The following NINL variants were observed in gnomAD, a reference collection of about 807,000 sequenced individuals.
NINL encodes ninein-like protein.
In NINL, 153 loss-of-function variants were observed where a neutral mutation model predicts 160.3. The ratio of observed to expected loss-of-function variants is 0.95; its 90% CI spans 0.84 to 1.09. NINL has a LOEUF of 1.09. NINL is among the 50% of genes least tolerant of loss of function. The pLI is 0.00. For synonymous variants in NINL, 800 were observed against 734.8 expected (o/e 1.09, Z -1.43); for missense variants, 1,829 against 1,764.0 (o/e 1.04, Z -0.66).
intron 17 of NINL, among the ~76,000 whole-genome samples, chr20:25,472,363 A>ATATATATATATG (rs1445814345): frequency 1.2e-5 from 1 of 81,470 alleles, no homozygotes; most frequent in Admixed American, 1.1e-4. Context: ...ATATATATAT[A>ATATATATATATG]TATACTTTTT....
chr20:25,476,617 C>A lies in NINL; in HGVS notation c.2674G>T (p.Ala892Ser). 1 of 1,593,212 alleles carries A rather than the reference C, an allele frequency of 6.3e-7. No individual in the cohort carries two copies. Among genetic ancestry groups the A allele is most frequent in the South Asian group, 1.1e-5 (1 of 89,902 alleles). Residue 892 changes from alanine (A) to serine (S), a missense_variant, in exon 17 of 24, where the codon GCC becomes TCC. Physicochemically the swap from Ala to Ser is moderately conservative, Grantham distance 99. Coordinates refer to ENST00000278886, the MANE Select transcript of NINL (RefSeq NM_025176.6). ...AQDTEATQSP[A>S]PAPAPASHGP... ...TGGGATGCCGGGGCAGGGGCGGGGG[C>A]CGGGCTCTGCGTAGCTTCTGTGTCC...
chr20:25,456,989 CTG>C (rs1226479645), intron 22 of NINL, among the ~76,000 whole-genome samples: 1 of 152,028 alleles, frequency 6.6e-6, no homozygotes, highest in African/African-American at 2.4e-5. Flanking sequence ...CTGACAGTGA[CTG>C]TGGGTAACCT....
chr20:25,510,781 G>T lies in NINL; in HGVS notation c.451-41C>A, dbSNP rs764894570. Reference sequence around the variant, plus strand: ...GAGAGAAGGCTGTGAGTTCCAGGGGGTGCTGCTGGGGACGGAGCACCGGGA... The same window carrying T: ...GAGAGAAGGCTGTGAGTTCCAGGGGTTGCTGCTGGGGACGGAGCACCGGGA... On this transcript the variant is annotated intron_variant, in intron 4 of 23. Transcript: ENST00000278886. 5 of 1,495,296 alleles carry T rather than the reference G, an allele frequency of 3.3e-6. No homozygotes were observed. The East Asian group carries it at 6.8e-5, about 20-fold the overall frequency. 92.6% of individuals were successfully genotyped at this position (1,495,296 alleles called of 1,614,324 possible).
chr20:25,573,190 G>A (rs1028640965), intron 1 of NINL, among the ~76,000 whole-genome samples: 4 of 151,818 alleles, frequency 2.6e-5, no homozygotes, highest in East Asian at 1.9e-4. Flanking sequence ...CCAGCTACTC[G>A]GGAGGCTGAG....
chr20:25,526,513 G>A lies in NINL; in HGVS notation c.75C>T (p.Gly25=). 2 of 1,614,260 alleles carry A rather than the reference G, an allele frequency of 1.2e-6. No homozygotes were observed. Among genetic ancestry groups the A allele is most frequent in the Admixed American group, 3.3e-5 (2 of 60,026 alleles). The change falls in exon 2 of 24, where the codon GGC becomes GGT. Residue 25 remains glycine, a synonymous_variant. Coordinates refer to ENST00000278886, the MANE Select transcript of NINL (RefSeq NM_025176.6). ...GGGTCAGCTCCTGGCGGTCCAGAAAGCCAGTCCCCGTGGTGTCGCAGCTGC... is the reference window on the plus strand; with the variant it reads ...GGGTCAGCTCCTGGCGGTCCAGAAAACCAGTCCCCGTGGTGTCGCAGCTGC... ...VYSSCDTTGT[G]FLDRQELTQL...
intron 1 of NINL, among the ~76,000 whole-genome samples, chr20:25,562,863 A>G (rs570855837): frequency 6.6e-6 from 1 of 152,172 alleles, no homozygotes; most frequent in Non-Finnish European, 1.5e-5. Context: ...ATAAAGGAAG[A>G]GCAACAGAAA....
intron 23 of NINL, among the ~76,000 whole-genome samples, chr20:25,455,164 G>A (rs528364688): frequency 6.6e-6 from 1 of 152,256 alleles, no homozygotes; most frequent in African/African-American, 2.4e-5. Flanking sequence ...GCCTCTGCTG[G>A]GGACACAGCT....
chr20:25,556,956 A>G (rs1475666135), intron 1 of NINL, among the ~76,000 whole-genome samples: 1 of 152,202 alleles, frequency 6.6e-6, no homozygotes, highest in Non-Finnish European at 1.5e-5. Flanking sequence ...TATGGGCACC[A>G]GGGGAGTTTC....
intron 17 of NINL, among the ~76,000 whole-genome samples, chr20:25,474,739 C>T (rs148034758): frequency 0.014 from 2,079 of 151,826 alleles, 47 homozygotes; most frequent in African/African-American, 0.045. Context: ...CTCAGCCTCC[C>T]AAGTAGCTGG....
chr20:25,514,326 G>C (rs1161145730), intron 3 of NINL, among the ~76,000 whole-genome samples: 1 of 152,180 alleles, frequency 6.6e-6, no homozygotes, highest in African/African-American at 2.4e-5. Context: ...GAAATGATTT[G>C]GAGTATCTGA....
At chr20:25,508,007 T>C (rs1601181274) in intron 5 of NINL, among the ~76,000 whole-genome samples, 1 of 152,116 alleles carries the variant, frequency 6.6e-6, no homozygotes, top group Non-Finnish European at 1.5e-5. Flanking sequence ...AACACTGAAA[T>C]TGCTGGGTGA....
intron 1 of NINL, among the ~76,000 whole-genome samples, chr20:25,585,179 G>A (rs796566153): frequency 1.3e-4 from 20 of 152,298 alleles, no homozygotes; most frequent in African/African-American, 4.8e-4. Flanking sequence ...CACGGCGCCC[G>A]CGCCGCCGCC....
chr20:25,485,116 G>A (rs529986223), intron 13 of NINL, among the ~76,000 whole-genome samples: 9 of 152,302 alleles, frequency 5.9e-5, no homozygotes, highest in African/African-American at 2.2e-4. Context: ...ACAAAGAAAG[G>A]AAATGAGTCA....
At position 25,510,835 on chromosome 20, in the gene NINL, G is replaced by A. The variant is rs1016432798; in HGVS notation, c.451-95C>T. On this transcript the variant is annotated intron_variant, in intron 4 of 23. Transcript: ENST00000278886. ...AATAGAGCAGGATGTTTGGGGAAGTGGGGGATGGCTGAGTATGGAGTCAAT... is the reference window on the plus strand; with the variant it reads ...AATAGAGCAGGATGTTTGGGGAAGTAGGGGATGGCTGAGTATGGAGTCAAT... 3.2e-6 allele frequency: 3 copies of A among 944,626 alleles called. No homozygotes were observed. In the African/African-American group the frequency reaches 4.9e-5, roughly 16 times the overall value. 58.5% of individuals were successfully genotyped at this position (944,626 alleles called of 1,614,324 possible).
In NINL at chr20:25,476,062, C is replaced by T. The variant is rs35666277; in HGVS notation, c.3229G>A (p.Asp1077Asn). ...DVVRALEKHVDLRENDRLEFH... is the reference protein window; with the variant it reads ...DVVRALEKHVNLRENDRLEFH... ...GCAAACCTGTCGTTCTCTCTCAAATCTACATGTTTCTCCAGAGCCCGGACG... is the reference window on the plus strand; with the variant it reads ...GCAAACCTGTCGTTCTCTCTCAAATTTACATGTTTCTCCAGAGCCCGGACG... Residue 1077 changes from aspartate to asparagine, a missense_variant, in exon 17 of 24, where the codon GAT becomes AAT. Coordinates refer to ENST00000278886, the MANE Select transcript of NINL (RefSeq NM_025176.6). The T allele has an allele frequency of 0.04, 64,461 of 1,613,640 alleles. 1,465 individuals are homozygous for T. The highest frequency in any genetic ancestry group is 0.076 in the East Asian group (3,420 of 44,882).
At position 25,517,784 on chromosome 20, in the gene NINL, G is replaced by A. The variant is rs377387339; in HGVS notation, c.246C>T (p.Pro82=). The stretch of plus-strand genomic sequence containing the variant: ...CCAAAGAACTACTGTCTTCATCTGA[G>A]GGGCGAACACCAGCATTTGAAGACA... The part of the protein sequence containing the change: ...AVLSSNAGVR[P]SDEDSSSLES... Residue 82 remains proline, a synonymous_variant, in exon 3 of 24, where the codon CCC becomes CCT. Transcript: ENST00000278886. 8 of 1,606,936 alleles carry A rather than the reference G, an allele frequency of 5.0e-6. No individual in the cohort carries two copies. Among genetic ancestry groups the A allele is most frequent in the Middle Eastern group, 1.6e-4 (1 of 6,066 alleles).
chr20:25,536,299 G>A (rs191935408), intron 1 of NINL, among the ~76,000 whole-genome samples: 2 of 152,350 alleles, frequency 1.3e-5, no homozygotes, highest in Admixed American at 1.3e-4. Context: ...CCAGGGATGG[G>A]AGGTGACCAA....
In NINL at chr20:25,500,851, C is replaced by T. The variant is rs199958217; in HGVS notation, c.1021G>A (p.Glu341Lys). 3.1e-6 allele frequency: 5 copies of T among 1,613,784 alleles called. No homozygotes were observed. The highest frequency in any genetic ancestry group is 3.3e-5 in the Admixed American group (2 of 59,994). ...WTQEGIQNGREILQSLDFSVD... is the reference protein window; with the variant it reads ...WTQEGIQNGRKILQSLDFSVD... ...ACCCAGTTCCAAACCTGCAAGATCT[C>T]CCTGCCATTCTGAATCCCCTCCTGG... Residue 341 changes from glutamate to lysine, a missense_variant, in exon 8 of 24, where the codon GAG becomes AAG. Coordinates refer to ENST00000278886, the MANE Select transcript of NINL (RefSeq NM_025176.6).
intron 1 of NINL, among the ~76,000 whole-genome samples, chr20:25,552,289 CATGGG>C (rs766220274): frequency 2.0e-5 from 3 of 151,904 alleles, no homozygotes; most frequent in Non-Finnish European, 4.4e-5. Flanking sequence ...ATCCCAGCTA[CATGGG>C]AGGCAAAGGT....
Sources: allele counts gnomAD v4.1 joint callset (sites outside exome capture counted in the v4.1 genomes callset), GRCh38; gene constraint gnomAD v4.1.1; transcripts MANE v1.5; gene names NCBI Gene and HGNC (gene_info 2026-07-23, HGNC 2026-07-21).